Variants in AGL observed in about 807,000 individuals in gnomAD.
AGL encodes amylo-alpha-1,6-glucosidase and 4-alpha-glucanotransferase.
In AGL, 128 loss-of-function variants were observed where a neutral mutation model predicts 199.3. The ratio of observed to expected loss-of-function variants is 0.64; its 90% CI spans 0.56 to 0.74. The LOEUF is 0.74. Ranked by LOEUF, AGL falls within the 30% of genes least tolerant of loss-of-function variation. The probability of loss-of-function intolerance (pLI) is 0.00; values close to 1 mark genes in which losing one functional copy is unlikely to be tolerated. For missense variants in AGL, 1,809 were observed against 1,820.8 expected, an observed-to-expected ratio of 0.99 and a Z score of 0.12; for synonymous variants, 584 against 594.7, an observed-to-expected ratio of 0.98 and a Z score of 0.26.
At chr1:99,873,807 T>C (rs2101122728) in intron 7 of AGL, among the ~76,000 whole-genome samples, 1 of 152,346 alleles carries the variant, frequency 6.6e-6, no homozygotes, top group South Asian at 2.1e-4. Flanking sequence ...TATTTTATGC[T>C]GTTTTGTGAG....
intron 2 of AGL, among the ~76,000 whole-genome samples, chr1:99,860,277 TA>T (rs1649925295): frequency 1.3e-5 from 2 of 151,754 alleles, no homozygotes; most frequent in South Asian, 4.1e-4. Flanking sequence ...AAATAATATA[TA>T]TTAAATAGGT....
At chr1:99,894,880 C>T (rs2100799752) in intron 24 of AGL, among the ~76,000 whole-genome samples, 1 of 152,248 alleles carries the variant, frequency 6.6e-6, no homozygotes, top group Non-Finnish European at 1.5e-5. Context: ...GGTTTCTACT[C>T]ATAGGTCTTA....
chr1:99,874,465 T>A (rs1441008681), intron 7 of AGL: 3 of 467,314 alleles, frequency 6.4e-6, no homozygotes, highest in Non-Finnish European at 1.1e-5. Context: ...TTGTCTCTGT[T>A]TCTTTCTCCC....
chr1:99,862,261 G>A lies in AGL; in HGVS notation c.298G>A (p.Glu100Lys), dbSNP rs781007118. The A allele has an allele frequency of 1.2e-6, 2 of 1,613,906 alleles. No homozygotes were observed. Among genetic ancestry groups the A allele is most frequent in the Admixed American group, 1.7e-5 (1 of 59,996 alleles). ...TTGTTTTGTTTTTTCCCTTAGAAATGAGAAAAGTGGTGGAGGTTACATAGT... is the reference window on the plus strand; with the variant it reads ...TTGTTTTGTTTTTTCCCTTAGAAATAAGAAAAGTGGTGGAGGTTACATAGT... ...SFQYYFLQGN[E>K]KSGGGYIVVD... Residue 100 changes from glutamate (E) to lysine (K), a missense_variant, in exon 4 of 34, where the codon GAG becomes AAG. By Grantham distance (56) the Glu-to-Lys change is moderately conservative (BLOSUM62 1). Transcript: ENST00000361915.
intron 25 of AGL, 118 bp downstream of exon 25, chr1:99,896,506 G>A (rs1653336841): frequency 2.4e-6 from 2 of 818,722 alleles, no homozygotes; most frequent in Admixed American, 4.1e-5. Context: ...ATTTTCTTTA[G>A]GTAGTTTTTA....
At chr1:99,884,084 A>G (rs756260280) in intron 17 of AGL, 36 bp from the exon 18 acceptor site, 3 of 1,572,070 alleles carry the variant, frequency 1.9e-6, no homozygotes, top group Admixed American at 3.3e-5. Context: ...ATGATTCCAT[A>G]TGAAATTTTG....
rs1188935657 is a variant in AGL at position 99,850,366 on chromosome 1, A to G, written c.-118A>G. On this transcript the variant is annotated 5_prime_UTR_variant, in exon 1 of 34. Transcript: ENST00000361915. ...CCCCTCCCCCCGACCGTAGCACCAG[A>G]GTCGCGGGTCCTGCAGTGCCCCAGA... 2 of 152,508 alleles carry G rather than the reference A, an allele frequency of 1.3e-5. No homozygotes were observed. Among genetic ancestry groups the G allele is most frequent in the Non-Finnish European group, 2.9e-5 (2 of 68,306 alleles). 9.4% of individuals were successfully genotyped at this position (152,508 alleles called of 1,614,324 possible).
intron 27 of AGL, among the ~76,000 whole-genome samples, chr1:99,905,362 A>AT (rs983046121): frequency 4.0e-5 from 6 of 148,582 alleles, no homozygotes; most frequent in Non-Finnish European, 7.4e-5. Flanking sequence ...CAACTAGCTA[A>AT]TTTTTTGTAT....
chr1:99,849,466 T>C (rs759886695), upstream of AGL, among the ~76,000 whole-genome samples: 2 of 152,188 alleles, frequency 1.3e-5, no homozygotes, highest in Non-Finnish European at 2.9e-5. Context: ...TCTGAGTTAC[T>C]GGCCTAACAT....
chr1:99,880,245 A>G (rs1212893815), intron 13 of AGL, among the ~76,000 whole-genome samples, 199 bp downstream of exon 13: 1 of 152,202 alleles, frequency 6.6e-6, no homozygotes, highest in Non-Finnish European at 1.5e-5. Context: ...AAGATACCTC[A>G]TTTCAAATTG....
intron 5 of AGL, 108 bp from the exon 6 acceptor site, chr1:99,870,291 GA>G (rs1230097330): frequency 1.7e-6 from 2 of 1,196,602 alleles, no homozygotes; most frequent in Non-Finnish European, 1.2e-6. Flanking sequence ...GTCCAATATA[GA>G]AAAAAATGAG....
At chr1:99,903,955 G>T (rs1380895155) in intron 27 of AGL, among the ~76,000 whole-genome samples, 1 of 152,082 alleles carries the variant, frequency 6.6e-6, no homozygotes, top group Non-Finnish European at 1.5e-5. Flanking sequence ...TGATGGGGTT[G>T]TTTGTTTTTT....
chr1:99,913,713 C>A lies in AGL; in HGVS notation c.4136C>A (p.Pro1379His), dbSNP rs761682846. ...CCTTGGTGTGACTATCAGCTCAGGC[C>A]TAATTTTACCATAGCAATGGTTGTG... is the stretch of plus-strand genomic sequence containing the variant. ...SSPWCDYQLR[P>H]NFTIAMVVAP... Residue 1379 changes from proline (P) to histidine (H), a missense_variant, in exon 30 of 34, where the codon CCT becomes CAT. By Grantham distance (77) the Pro-to-His change is moderately conservative. Transcript: ENST00000361915. 6.2e-7 allele frequency: 1 copy of A among 1,613,890 alleles called. No homozygotes were observed. Among genetic ancestry groups the A allele is most frequent in the East Asian group, 2.2e-5 (1 of 44,858 alleles).
At chr1:99,868,099 A>G (rs1470965413) in intron 5 of AGL, among the ~76,000 whole-genome samples, 1 of 152,216 alleles carries the variant, frequency 6.6e-6, no homozygotes, top group Non-Finnish European at 1.5e-5. Flanking sequence ...TTGTTTTGCT[A>G]GGGACAGTGT....
chr1:99,878,186 T>C (rs1651709043), intron 12 of AGL, among the ~76,000 whole-genome samples: 1 of 152,080 alleles, frequency 6.6e-6, no homozygotes, highest in Admixed American at 6.6e-5. Context: ...ACTGTGAAGG[T>C]GAATAGCTTA....
At chr1:99,861,474 G>A (rs767476472) in intron 2 of AGL, 29 bp from the exon 3 acceptor site, 21 of 1,613,306 alleles carry the variant, frequency 1.3e-5, no homozygotes, top group Non-Finnish European at 1.8e-5. Context: ...GTCCTACGAT[G>A]AGTTTATTAA....
chr1:99,892,775 C>T (rs1238310250), intron 24 of AGL, among the ~76,000 whole-genome samples, 168 bp downstream of exon 24: 2 of 152,120 alleles, frequency 1.3e-5, no homozygotes, highest in African/African-American at 4.8e-5. Flanking sequence ...ACCATGCTTA[C>T]TGTTTAATTA....
In AGL at chr1:99,884,718, T is replaced by C; in HGVS notation, c.2681+15T>C. On this transcript the variant is annotated intron_variant, in intron 20 of 33. Coordinates refer to ENST00000361915, the MANE Select transcript of AGL (RefSeq NM_000642.3). Reference sequence around the variant, plus strand: ...CCTTTTGCTTCGTAAGTATGCCTTGTTTGGTAGAGATTTGCCACCTTAATA... The same window carrying C: ...CCTTTTGCTTCGTAAGTATGCCTTGCTTGGTAGAGATTTGCCACCTTAATA... 1 of 1,613,744 alleles carries C rather than the reference T, an allele frequency of 6.2e-7. No individual in the cohort carries two copies. The highest frequency in any genetic ancestry group is 8.5e-7 in the Non-Finnish European group (1 of 1,179,816).
chr1:99,856,512 T>C (rs1271981871), intron 2 of AGL, among the ~76,000 whole-genome samples: 3 of 151,888 alleles, frequency 2.0e-5, no homozygotes, highest in South Asian at 4.2e-4. Flanking sequence ...GGCAGGGTCA[T>C]AAGACAATAG....
Sources: gnomAD v4.1 joint callset for allele counts (sites outside exome capture counted in the v4.1 genomes callset) on GRCh38, gnomAD v4.1.1 for gene constraint, MANE v1.5 for transcripts, NCBI Gene and HGNC (gene_info 2026-07-23, HGNC 2026-07-21) for gene names.